The following OXCT1 variants were observed in gnomAD, a reference collection of about 807,000 sequenced individuals.
OXCT1 encodes the protein 3-oxoacid CoA-transferase 1, also known as succinyl-CoA:3-ketoacid coenzyme A transferase 1, mitochondrial.
OXCT1 carries 27 observed loss-of-function variants against 69.6 expected under a neutral mutation model. That is an observed-to-expected ratio of 0.39 (90% CI 0.29 to 0.54). The LOEUF (loss-of-function observed/expected upper bound fraction) is 0.54. Among genes scored for constraint, OXCT1 ranks in the 20% least tolerant of loss-of-function variants. The pLI, the probability that OXCT1 is intolerant of heterozygous loss-of-function variation, is 0.72. For synonymous variants in OXCT1, 202 were observed against 217.8 expected (o/e 0.93, Z 0.64); for missense variants, 437 against 650.2 (o/e 0.67, Z 3.57).
intron 7 of OXCT1, among the ~76,000 whole-genome samples, chr5:41,832,333 CAGAGAGAGAG>C (rs148562121): frequency 8.8e-5 from 13 of 147,110 alleles, no homozygotes; most frequent in South Asian, 2.2e-4. Flanking sequence ...CGGTTCAGCA[CAGAGAGAGAG>C]AGAGAGAGAG....
intron 16 of OXCT1, among the ~76,000 whole-genome samples, chr5:41,733,525 G>A (rs1363659034): frequency 6.6e-6 from 1 of 152,130 alleles, no homozygotes; most frequent in Non-Finnish European, 1.5e-5. Context: ...GGGATTACAG[G>A]CGTAAGCCAC....
At chr5:41,749,839 G>C (rs1743679336) in intron 14 of OXCT1, among the ~76,000 whole-genome samples, 2 of 152,024 alleles carry the variant, frequency 1.3e-5, no homozygotes, top group Admixed American at 1.3e-4. Context: ...ATTTAATTGG[G>C]AAACATCCTG....
intron 6 of OXCT1, 73 bp from the exon 7 acceptor site, chr5:41,840,584 T>A: frequency 1.2e-6 from 1 of 862,232 alleles, no homozygotes; most frequent in South Asian, 1.5e-5. Flanking sequence ...CCTTTAAGGT[T>A]TTATAGATTA....
intron 13 of OXCT1, among the ~76,000 whole-genome samples, chr5:41,763,054 C>T (rs942245725): frequency 2.0e-5 from 3 of 152,086 alleles, no homozygotes; most frequent in African/African-American, 7.2e-5. Context: ...AGCCCAAGTC[C>T]TCTTGCTGAT....
intron 12 of OXCT1, chr5:41,794,324 T>C (rs894695891): frequency 3.4e-6 from 2 of 596,690 alleles, no homozygotes; most frequent in Non-Finnish European, 3.0e-6. Context: ...ACAGGAAGAC[T>C]GTTTCCTTCA....
chr5:41,784,833 T>G (rs968696677), intron 13 of OXCT1, among the ~76,000 whole-genome samples: 2 of 152,228 alleles, frequency 1.3e-5, no homozygotes, highest in African/African-American at 4.8e-5. Context: ...GCTGTGGCTT[T>G]TAAACCTTAA....
intron 3 of OXCT1, among the ~76,000 whole-genome samples, chr5:41,859,068 C>T (rs192637131): frequency 1.3e-5 from 2 of 152,192 alleles, no homozygotes; most frequent in Admixed American, 6.5e-5. Context: ...TCATCCTACT[C>T]CATCCTGCCC....
intron 6 of OXCT1, among the ~76,000 whole-genome samples, chr5:41,841,188 AT>A (rs1748611058): frequency 6.6e-6 from 1 of 152,132 alleles, no homozygotes; most frequent in African/African-American, 2.4e-5. Context: ...ATTAAAACAT[AT>A]TTTTTGTCTC....
intron 13 of OXCT1, among the ~76,000 whole-genome samples, chr5:41,787,634 C>CAAAAA (rs765691863): frequency 5.8e-5 from 2 of 34,730 alleles, no homozygotes; most frequent in Non-Finnish European, 9.0e-5. Context: ...AAGCATTAGG[C>CAAAAA]AAAAAAAAAA....
At chr5:41,783,609 G>C (rs1745511664) in intron 13 of OXCT1, among the ~76,000 whole-genome samples, 1 of 152,194 alleles carries the variant, frequency 6.6e-6, no homozygotes, top group South Asian at 2.1e-4. Flanking sequence ...TTGTTCATGA[G>C]AGAGACAGAG....
intron 13 of OXCT1, among the ~76,000 whole-genome samples, chr5:41,767,129 T>C (rs1744643842): frequency 6.6e-6 from 1 of 152,148 alleles, no homozygotes; most frequent in Non-Finnish European, 1.5e-5. Context: ...AAACATATAG[T>C]AACAGGTTAT....
chr5:41,832,123 A>C lies in OXCT1; in HGVS notation c.732+8328T>G, dbSNP rs111931234. Among the ~76,000 whole-genome samples the C allele has an allele frequency of 2.3e-3, 357 of 152,332 alleles. 4 individuals carry two copies. Among genetic ancestry groups the C allele is most frequent in the African/African-American group, 8.3e-3 (346 of 41,580 alleles). On this transcript the variant is annotated intron_variant, in intron 7 of 16. Coordinates refer to ENST00000196371, the MANE Select transcript of OXCT1 (RefSeq NM_000436.4). ...GGGAACTCACAGCACTGAAGGTAAG[A>C]ATGCAGACCTGGCTGGCTTCGCCAC...
intron 11 of OXCT1, 24 bp from the exon 12 acceptor site, chr5:41,794,773 A>G: frequency 1.2e-6 from 2 of 1,605,766 alleles, no homozygotes; most frequent in Non-Finnish European, 8.5e-7. Context: ...CACACAAAAG[A>G]AAGAAAAGGC....
intron 1 of OXCT1, among the ~76,000 whole-genome samples, chr5:41,865,919 T>C (rs1041184959): frequency 3.9e-5 from 6 of 152,004 alleles, no homozygotes; most frequent in African/African-American, 1.5e-4. Flanking sequence ...TTGTCATTTA[T>C]TGGAGTTTAG....
chr5:41,840,237 G>C (rs903554044), intron 7 of OXCT1, among the ~76,000 whole-genome samples: 1 of 152,040 alleles, frequency 6.6e-6, no homozygotes, highest in African/African-American at 2.4e-5. Context: ...TTCCCAAAGA[G>C]AGCATTCTAG....
intron 3 of OXCT1, among the ~76,000 whole-genome samples, chr5:41,858,572 G>C (rs1171646065): frequency 1.3e-5 from 2 of 152,028 alleles, no homozygotes; most frequent in Non-Finnish European, 2.9e-5. Context: ...TTGGTGACTA[G>C]AAAAAGTCTA....
At chr5:41,804,654 T>C (rs1305405133) in intron 9 of OXCT1, among the ~76,000 whole-genome samples, 1 of 151,998 alleles carries the variant, frequency 6.6e-6, no homozygotes, top group East Asian at 1.9e-4. Context: ...TTTTCCCCTA[T>C]GTGAGTTTGC....
At chr5:41,869,571 C>A (rs1750178142) in intron 1 of OXCT1, among the ~76,000 whole-genome samples, 1 of 152,206 alleles carries the variant, frequency 6.6e-6, no homozygotes, top group African/African-American at 2.4e-5. Flanking sequence ...CCGAAAGCCC[C>A]TAACCCGGAT....
At chr5:41,793,025 C>A (rs1465165839) in intron 13 of OXCT1, among the ~76,000 whole-genome samples, 3 of 152,172 alleles carry the variant, frequency 2.0e-5, no homozygotes, top group African/African-American at 7.2e-5. Flanking sequence ...TTAAACATAA[C>A]ATTTCAGGTG....
Sources: gnomAD v4.1 joint callset for allele counts (sites outside exome capture counted in the v4.1 genomes callset) on GRCh38, gnomAD v4.1.1 for gene constraint, MANE v1.5 for transcripts, NCBI Gene and HGNC (gene_info 2026-07-23, HGNC 2026-07-21) for gene names.